Variants in OTOF observed in about 807,000 individuals in gnomAD.
OTOF encodes the protein fer-1-like family member 2.
A neutral mutation model predicts 236.8 loss-of-function variants in OTOF; 218 were observed. That is an observed-to-expected ratio of 0.92 (90% CI 0.82 to 1.03). OTOF has a LOEUF of 1.03. Ranked by LOEUF, OTOF falls within the 50% of genes least tolerant of loss-of-function variation. The probability of loss-of-function intolerance (pLI) is 0.00; values close to 1 mark genes in which losing one functional copy is unlikely to be tolerated. For synonymous variants in OTOF, 1,041 were observed against 1,072.5 expected, an observed-to-expected ratio of 0.97 and a Z score of 0.57; for missense variants, 2,590 against 2,694.4, an observed-to-expected ratio of 0.96 and a Z score of 0.86.
At chr2:26,476,389 C>T in intron 22 of OTOF, 72 bp from the exon 23 acceptor site, 1 of 1,420,734 alleles carries the variant, frequency 7.0e-7, no homozygotes, top group South Asian at 1.2e-5. Flanking sequence ...GGGGCAGGGG[C>T]CGGCAGAGGC....
rs1198612703 is a variant in OTOF, at chr2:26,484,721, C to A, written c.1046-88G>T. Reference sequence around the variant, plus strand: ...AGGGCAGGCCAAGGGGTGGCAGAACCAAATGCTGTCTTGGTCCCTAGAGTC... The same window carrying A: ...AGGGCAGGCCAAGGGGTGGCAGAACAAAATGCTGTCTTGGTCCCTAGAGTC... On this transcript the variant is annotated intron_variant, in intron 11 of 46. Transcript: ENST00000272371. The A allele has an allele frequency of 2.2e-6, 3 of 1,381,794 alleles. No homozygotes were observed. The African/African-American group carries it at 4.3e-5, about 20-fold the overall frequency. 85.6% of individuals were successfully genotyped at this position (1,381,794 alleles called of 1,614,324 possible).
At chr2:26,557,258 C>T (rs1279888752) in intron 1 of OTOF, among the ~76,000 whole-genome samples, 15 of 152,128 alleles carry the variant, frequency 9.9e-5, no homozygotes, top group Admixed American at 9.8e-4. Context: ...CCCCAAGGCT[C>T]ACTTTGCTCT....
intron 24 of OTOF, among the ~76,000 whole-genome samples, 187 bp downstream of exon 24, chr2:26,475,727 A>G (rs1427821323): frequency 6.6e-6 from 1 of 152,144 alleles, no homozygotes; most frequent in Non-Finnish European, 1.5e-5. Flanking sequence ...TAAAGCCCGT[A>G]GCCTTTCCAG....
At chr2:26,505,804 C>T (rs1463132004) in intron 5 of OTOF, among the ~76,000 whole-genome samples, 1 of 152,194 alleles carries the variant, frequency 6.6e-6, no homozygotes, top group Non-Finnish European at 1.5e-5. Flanking sequence ...GGGCTGGCAC[C>T]CATAGGTACA....
At chr2:26,466,885 T>G in intron 35 of OTOF, 34 bp from the exon 36 acceptor site, 1 of 1,614,046 alleles carries the variant, frequency 6.2e-7, no homozygotes, top group South Asian at 1.1e-5. Flanking sequence ...GGGTGTAGGT[T>G]TGCCTGGCAA....
intron 9 of OTOF, among the ~76,000 whole-genome samples, chr2:26,491,509 T>C (rs933989592): frequency 6.6e-6 from 1 of 152,120 alleles, no homozygotes; most frequent in Non-Finnish European, 1.5e-5. Context: ...TAGAACACCT[T>C]ATAGGCAAGG....
intron 9 of OTOF, among the ~76,000 whole-genome samples, chr2:26,493,765 C>A (rs1013999318): frequency 6.6e-6 from 1 of 152,022 alleles, no homozygotes; most frequent in Non-Finnish European, 1.5e-5. Context: ...CGGGGTATAA[C>A]CTTGTAAGGG....
chr2:26,525,469 TG>T (rs1487790609), intron 3 of OTOF, among the ~76,000 whole-genome samples: 1 of 152,240 alleles, frequency 6.6e-6, no homozygotes, highest in Non-Finnish European at 1.5e-5. Flanking sequence ...TCCAGCAGCC[TG>T]TTCCTCATCC....
At chr2:26,520,376 G>A (rs755318056) in intron 3 of OTOF, among the ~76,000 whole-genome samples, 5 of 152,172 alleles carry the variant, frequency 3.3e-5, no homozygotes, top group Non-Finnish European at 5.9e-5. Flanking sequence ...CATGCTTCAT[G>A]TCTCTACCAC....
At chr2:26,484,235 G>A (rs1190496382) in intron 12 of OTOF, among the ~76,000 whole-genome samples, 2 of 152,194 alleles carry the variant, frequency 1.3e-5, no homozygotes, top group African/African-American at 2.4e-5. Flanking sequence ...TGCCAGCATC[G>A]ACTCTTCTCA....
intron 9 of OTOF, among the ~76,000 whole-genome samples, chr2:26,494,566 G>A (rs1462246770): frequency 6.6e-6 from 1 of 151,128 alleles, no homozygotes; most frequent in East Asian, 2.0e-4. Flanking sequence ...TACTAATGGT[G>A]CCAGTGCCAC....
chr2:26,494,464 T>C (rs1665925917), intron 9 of OTOF, among the ~76,000 whole-genome samples: 1 of 152,256 alleles, frequency 6.6e-6, no homozygotes, highest in Non-Finnish European at 1.5e-5. Flanking sequence ...GAAGTCTCAC[T>C]GTCCCCTTGT....
At chr2:26,484,685 T>C (rs1665659181) in intron 11 of OTOF, 52 bp from the exon 12 acceptor site, 2 of 1,598,118 alleles carry the variant, frequency 1.3e-6, no homozygotes, top group South Asian at 1.1e-5. Flanking sequence ...CCAGAGCGTC[T>C]CCCAGTGCTC....
At chr2:26,535,023 G>A (rs1667036391) in intron 2 of OTOF, among the ~76,000 whole-genome samples, 1 of 152,236 alleles carries the variant, frequency 6.6e-6, no homozygotes, top group South Asian at 2.1e-4. Flanking sequence ...CTACCTTTGG[G>A]ACTGGGCTGA....
chr2:26,516,379 T>C (rs7575020), intron 5 of OTOF, 39 bp downstream of exon 5: 5 of 1,591,328 alleles, frequency 3.1e-6, no homozygotes, highest in Admixed American at 1.7e-5. Context: ...TCCCCGTGTC[T>C]TGGGAGCAGT....
chr2:26,555,612 G>A (rs576929608), intron 1 of OTOF, among the ~76,000 whole-genome samples: 1 of 152,332 alleles, frequency 6.6e-6, no homozygotes, highest in African/African-American at 2.4e-5. Context: ...GATGAGAACA[G>A]GAGTCTCGGG....
chr2:26,505,118 C>T (rs895884916), intron 5 of OTOF, among the ~76,000 whole-genome samples: 1 of 152,194 alleles, frequency 6.6e-6, no homozygotes, highest in Non-Finnish European at 1.5e-5. Flanking sequence ...ATCCCAACCC[C>T]AGGACCTTTC....
chr2:26,481,399 C>T (rs1352833196), intron 14 of OTOF, among the ~76,000 whole-genome samples: 1 of 152,208 alleles, frequency 6.6e-6, no homozygotes, highest in Non-Finnish European at 1.5e-5. Flanking sequence ...CCCCTCCCCT[C>T]CTTGCTGAAG....
chr2:26,552,730 T>G (rs1161246968), intron 1 of OTOF, among the ~76,000 whole-genome samples: 2 of 151,906 alleles, frequency 1.3e-5, no homozygotes, highest in African/African-American at 4.8e-5. Flanking sequence ...TCAGGTGTGG[T>G]GAGGGGGACT....
Sources: gnomAD v4.1 joint callset for allele counts (sites outside exome capture counted in the v4.1 genomes callset) on GRCh38, gnomAD v4.1.1 for gene constraint, MANE v1.5 for transcripts, NCBI Gene and HGNC (gene_info 2026-07-23, HGNC 2026-07-21) for gene names.